CDIN1: variants seen among roughly 807,000 people sequenced by gnomAD.
The protein encoded by CDIN1 is CDAN1 interacting nuclease 1.
CDIN1 carries 33 observed loss-of-function variants against 45.3 expected under a neutral mutation model. That is an observed-to-expected ratio of 0.73 (90% CI 0.55 to 0.97). The LOEUF (loss-of-function observed/expected upper bound fraction) is 0.97. CDIN1 is among the 50% of genes least tolerant of loss of function. The pLI, the probability that CDIN1 is intolerant of heterozygous loss-of-function variation, is 0.00. For missense variants in CDIN1, 303 were observed against 339.4 expected (o/e 0.89, Z 0.84); for synonymous variants, 118 against 124.4 (o/e 0.95, Z 0.34).
intron 5 of CDIN1, chr15:36,691,147 T>C (rs1181131707): frequency 3.9e-6 from 2 of 518,674 alleles, no homozygotes; most frequent in Non-Finnish European, 7.7e-6. Context: ...GGAGATAGGA[T>C]TTTATGGCAG....
chr15:36,599,489 T>C (rs1420152265), intron 1 of CDIN1, among the ~76,000 whole-genome samples: 1 of 152,206 alleles, frequency 6.6e-6, no homozygotes, highest in Non-Finnish European at 1.5e-5. Context: ...AAGTGATGCT[T>C]GATCCATGAA....
chr15:36,664,467 T>C (rs953548691), intron 5 of CDIN1, among the ~76,000 whole-genome samples: 1 of 152,262 alleles, frequency 6.6e-6, no homozygotes, highest in East Asian at 1.9e-4. Context: ...GAATACCTTA[T>C]TGAGAAGTGA....
intron 1 of CDIN1, among the ~76,000 whole-genome samples, chr15:36,585,485 G>A (rs1203275611): frequency 6.6e-6 from 1 of 152,056 alleles, no homozygotes; most frequent in Non-Finnish European, 1.5e-5. Context: ...TTTCCTTTGT[G>A]TTTGATGTTT....
At chr15:36,711,245 T>C (rs2043045863) in intron 10 of CDIN1, among the ~76,000 whole-genome samples, 1 of 152,058 alleles carries the variant, frequency 6.6e-6, no homozygotes, top group South Asian at 2.1e-4. Flanking sequence ...TAAGTTTAGG[T>C]TGCTAAAGTA....
intron 1 of CDIN1, chr15:36,617,172 G>T: frequency 1.1e-6 from 1 of 930,270 alleles, no homozygotes; most frequent in Non-Finnish European, 1.8e-6. Context: ...TTGCTCCTGG[G>T]AATACTGATG....
intron 5 of CDIN1, among the ~76,000 whole-genome samples, chr15:36,675,325 G>C (rs187879342): frequency 3.4e-4 from 52 of 152,210 alleles, no homozygotes; most frequent in African/African-American, 1.3e-3. Flanking sequence ...GTCTTCAACT[G>C]TTCTGTTGAC....
At chr15:36,793,527 T>C (rs1329784103) in intron 10 of CDIN1, among the ~76,000 whole-genome samples, 1 of 152,152 alleles carries the variant, frequency 6.6e-6, no homozygotes, top group Non-Finnish European at 1.5e-5. Context: ...ACTGTACACT[T>C]TGTGGAAGTA....
At chr15:36,599,593 A>G (rs2038002267) in intron 1 of CDIN1, among the ~76,000 whole-genome samples, 1 of 152,222 alleles carries the variant, frequency 6.6e-6, no homozygotes, top group Non-Finnish European at 1.5e-5. Context: ...ACATATGTTG[A>G]GCTGCTACGT....
Position 36,614,177 on chromosome 15 carries a change from T to C in CDIN1, c.102-30101T>C, listed in dbSNP as rs1259858060. 7 of 680,988 alleles carry C rather than the reference T, an allele frequency of 1.0e-5. No homozygotes were observed. In the East Asian group the frequency reaches 1.2e-4, roughly 11 times the overall value. 42.2% of individuals were successfully genotyped at this position (680,988 alleles called of 1,614,324 possible). A position where few individuals can be genotyped will look rare whatever the true frequency, so the allele number is the denominator to read the frequency against. On this transcript the variant is annotated intron_variant, in intron 1 of 10. Coordinates refer to ENST00000566621, the MANE Select transcript of CDIN1 (RefSeq NM_001321759.2). ...GTACACAGAGGTTGCTGGACCAGAC[T>C]CTGCTGACCTGAATGAGCTGTAGAA...
intron 10 of CDIN1, among the ~76,000 whole-genome samples, chr15:36,767,543 G>A (rs2141015393): frequency 6.6e-6 from 1 of 152,316 alleles, no homozygotes; most frequent in East Asian, 1.9e-4. Flanking sequence ...AAATGTATTA[G>A]TCACTGTGCA....
intron 10 of CDIN1, among the ~76,000 whole-genome samples, chr15:36,743,144 G>T (rs78883649): frequency 6.6e-6 from 1 of 152,146 alleles, no homozygotes; most frequent in East Asian, 1.9e-4. Context: ...GAAGTAAGAC[G>T]AGCCAGGTCA....
Position 36,613,454 on chromosome 15 carries a change from A to C in CDIN1, c.102-30824A>C. On this transcript the variant is annotated intron_variant, in intron 1 of 10. Coordinates refer to ENST00000566621, the MANE Select transcript of CDIN1 (RefSeq NM_001321759.2). The stretch of plus-strand genomic sequence containing the variant: ...AGGAGGCAGGAACTGGAGCGTGAGC[A>C]GTAGCTAGGTGGGCACCATGGCTGG... The C allele has an allele frequency of 2.6e-6, 4 of 1,538,052 alleles. No homozygotes were observed. In the South Asian group the frequency reaches 3.4e-5, roughly 13 times the overall value.
chr15:36,730,592 GC>G (rs2043800951), intron 10 of CDIN1, among the ~76,000 whole-genome samples: 1 of 151,968 alleles, frequency 6.6e-6, no homozygotes, highest in South Asian at 2.1e-4. Flanking sequence ...TGAAAGTTAA[GC>G]TATATATTTT....
At chr15:36,596,443 AGTGGAGTTTTTCTT>A (rs1206608459) in intron 1 of CDIN1, among the ~76,000 whole-genome samples, 1 of 152,170 alleles carries the variant, frequency 6.6e-6, no homozygotes, top group African/African-American at 2.4e-5. Flanking sequence ...GAAGATATAA[AGTGGAGTTTTTCTT>A]AGTTACTTCC....
intron 10 of CDIN1, among the ~76,000 whole-genome samples, chr15:36,732,673 A>G (rs1566937303): frequency 6.6e-6 from 1 of 152,084 alleles, no homozygotes; most frequent in Non-Finnish European, 1.5e-5. Flanking sequence ...AATCTGGAAG[A>G]TGGATATCTG....
intron 5 of CDIN1, among the ~76,000 whole-genome samples, chr15:36,671,144 G>T (rs991038073): frequency 3.9e-5 from 6 of 152,110 alleles, no homozygotes; most frequent in Non-Finnish European, 5.9e-5. Flanking sequence ...TTATTCTGAG[G>T]TATTTAGCAA....
At chr15:36,684,403 C>G (rs1049877325) in intron 5 of CDIN1, among the ~76,000 whole-genome samples, 5 of 151,920 alleles carry the variant, frequency 3.3e-5, no homozygotes, top group Non-Finnish European at 7.4e-5. Flanking sequence ...ATTGAACCAG[C>G]CTTGCATCCC....
At chr15:36,654,021 T>A in intron 3 of CDIN1, 77 bp from the exon 4 acceptor site, 1 of 1,084,722 alleles carries the variant, frequency 9.2e-7, no homozygotes, top group Non-Finnish European at 1.4e-6. Flanking sequence ...GAAACATGTA[T>A]ACACACAGGG....
At chr15:36,690,246 A>C (rs2042195394) in intron 5 of CDIN1, among the ~76,000 whole-genome samples, 1 of 151,816 alleles carries the variant, frequency 6.6e-6, no homozygotes, top group Admixed American at 6.6e-5. Flanking sequence ...TTCCTTATTT[A>C]TTTCCACAGT....
Sources: gnomAD v4.1 joint callset for allele counts (sites outside exome capture counted in the v4.1 genomes callset) on GRCh38, gnomAD v4.1.1 for gene constraint, MANE v1.5 for transcripts, NCBI Gene and HGNC (gene_info 2026-07-23, HGNC 2026-07-21) for gene names.